Variants in KATNIP observed in about 807,000 individuals in gnomAD.
KATNIP encodes katanin-interacting protein.
Under a neutral mutation model 174.0 loss-of-function variants are expected in KATNIP, and 126 were observed. The ratio of observed to expected loss-of-function variants is 0.72; its 90% CI spans 0.63 to 0.84. The LOEUF is 0.84. KATNIP is among the 40% of genes least tolerant of loss of function. The pLI is 0.00. For synonymous variants in KATNIP, 810 were observed against 835.7 expected, an observed-to-expected ratio of 0.97 and a Z score of 0.53; for missense variants, 1,958 against 2,109.7, an observed-to-expected ratio of 0.93 and a Z score of 1.41.
At chr16:27,754,120 TG>T in intron 17 of KATNIP, 52 bp from the exon 18 acceptor site, 2 of 1,437,172 alleles carry the variant, frequency 1.4e-6, no homozygotes, top group Non-Finnish European at 2.0e-6. Context: ...GCTAGCTGTG[TG>T]GGTATCACTA....
chr16:27,600,844 C>T (rs1311311915), intron 2 of KATNIP, among the ~76,000 whole-genome samples: 1 of 152,024 alleles, frequency 6.6e-6, no homozygotes, highest in East Asian at 1.9e-4. Context: ...ATTCTCCTGC[C>T]TCAGCCTCCC....
At position 27,749,663 on chromosome 16, in the gene KATNIP, C is replaced by T. The variant is rs751454084; in HGVS notation, c.2703C>T (p.Ser901=). The T allele has an allele frequency of 1.2e-5, 19 of 1,608,298 alleles. No homozygotes were observed. The highest frequency in any genetic ancestry group is 1.6e-5 in the Non-Finnish European group (19 of 1,176,998). The change falls in exon 16 of 28, where the codon AGC becomes AGT. Residue 901 remains serine, a synonymous_variant. Transcript: ENST00000261588. ...EQEHTLHESW[S]SLSAFDRSHR... The stretch of plus-strand genomic sequence containing the variant: ...AGCACACACTTCACGAGTCATGGAG[C>T]TCCCTCAGTGCCTTCGACCGCTCCC...
chr16:27,647,586 A>G (rs1405181114), intron 5 of KATNIP, among the ~76,000 whole-genome samples: 1 of 149,348 alleles, frequency 6.7e-6, no homozygotes, highest in Non-Finnish European at 1.5e-5. Flanking sequence ...GCTCACTGCA[A>G]CCTCTGCCTC....
chr16:27,737,260 G>A (rs2080931025), intron 14 of KATNIP, among the ~76,000 whole-genome samples: 1 of 152,158 alleles, frequency 6.6e-6, no homozygotes, highest in Non-Finnish European at 1.5e-5. Context: ...ACGTGTACCT[G>A]TAGTCCCAGC....
At chr16:27,641,678 T>C (rs2076803129) in intron 5 of KATNIP, among the ~76,000 whole-genome samples, 3 of 152,206 alleles carry the variant, frequency 2.0e-5, no homozygotes, top group Admixed American at 1.3e-4. Flanking sequence ...CTATTGGAAA[T>C]TGAATGTGCG....
intron 3 of KATNIP, among the ~76,000 whole-genome samples, chr16:27,627,629 C>T (rs988761137): frequency 1.3e-5 from 2 of 152,134 alleles, no homozygotes; most frequent in Non-Finnish European, 2.9e-5. Flanking sequence ...GCTCGTACTG[C>T]GAATAATGAG....
chr16:27,665,600 T>TTTA (rs1295143494), intron 6 of KATNIP, among the ~76,000 whole-genome samples: 1 of 151,288 alleles, frequency 6.6e-6, no homozygotes, highest in African/African-American at 2.4e-5. Context: ...TGTCTGTGTT[T>TTTA]TTATTATTTT....
In KATNIP at chr16:27,777,050, T is replaced by A. The variant is rs1368343025; in HGVS notation, c.4551+21T>A. On this transcript the variant is annotated intron_variant, in intron 25 of 27. Coordinates refer to ENST00000261588, the MANE Select transcript of KATNIP (RefSeq NM_015202.5). The surrounding 1 kb of genome is among the most constrained non-coding windows in gnomAD (Gnocchi z 4.4). Reference sequence around the variant, plus strand: ...TTGGCGTAAGTACTTATTAGCTGAGTTTTTTGAGATAATTATGCTCGTTGG... The same window carrying A: ...TTGGCGTAAGTACTTATTAGCTGAGATTTTTGAGATAATTATGCTCGTTGG... 6.8e-7 allele frequency: 1 copy of A among 1,465,972 alleles called. No homozygotes were observed. The highest frequency in any genetic ancestry group is 9.5e-7 in the Non-Finnish European group (1 of 1,050,296). 90.8% of individuals were successfully genotyped at this position (1,465,972 alleles called of 1,614,324 possible).
intron 2 of KATNIP, among the ~76,000 whole-genome samples, chr16:27,580,973 C>T (rs1037743828): frequency 1.6e-4 from 24 of 152,136 alleles, no homozygotes; most frequent in African/African-American, 5.5e-4. Flanking sequence ...CTTGTTATCC[C>T]ACCAGCTACT....
intron 24 of KATNIP, among the ~76,000 whole-genome samples, chr16:27,775,731 C>T (rs1457517137): frequency 1.3e-5 from 2 of 152,186 alleles, no homozygotes; most frequent in Admixed American, 1.3e-4. Context: ...GGGCCAGGTG[C>T]CTGGTAGAGA....
At position 27,655,838 on chromosome 16, in the gene KATNIP, G is replaced by A. The variant is rs1035098489; in HGVS notation, c.540+7103G>A. Among the ~76,000 whole-genome samples the A allele has an allele frequency of 3.9e-5, 6 of 152,226 alleles. No individual in the cohort carries two copies. In the East Asian group the frequency reaches 5.8e-4, roughly 15 times the overall value. ...TTCCTTACAATTCACAGTCACAGGC[G>A]GGGAATATTGCACTCATCTGGTTTT... On this transcript the variant is annotated intron_variant, in intron 6 of 27. Transcript: ENST00000261588.
chr16:27,576,847 A>C (rs1162920201), intron 2 of KATNIP, among the ~76,000 whole-genome samples: 1 of 152,190 alleles, frequency 6.6e-6, no homozygotes, highest in Non-Finnish European at 1.5e-5. Flanking sequence ...TCTCTTTCTC[A>C]GAGCTGGTTA....
At chr16:27,633,481 T>C (rs2076551440) in intron 5 of KATNIP, among the ~76,000 whole-genome samples, 1 of 151,412 alleles carries the variant, frequency 6.6e-6, no homozygotes, top group African/African-American at 2.4e-5. Context: ...TTTTACTTAT[T>C]TTTATTCACT....
intron 15 of KATNIP, among the ~76,000 whole-genome samples, chr16:27,748,537 G>A (rs1364047814): frequency 6.6e-6 from 1 of 152,236 alleles, no homozygotes; most frequent in Non-Finnish European, 1.5e-5. Context: ...GCCATGGTGA[G>A]CCATGATCAC....
At chr16:27,553,210 A>G (rs1442529956) in intron 1 of KATNIP, among the ~76,000 whole-genome samples, 4 of 152,232 alleles carry the variant, frequency 2.6e-5, no homozygotes, top group Non-Finnish European at 4.4e-5. Flanking sequence ...AGATGCCATT[A>G]TACGGTATTT....
intron 2 of KATNIP, among the ~76,000 whole-genome samples, chr16:27,588,163 A>T (rs2090974467): frequency 6.6e-6 from 1 of 151,716 alleles, no homozygotes; most frequent in African/African-American, 2.4e-5. Context: ...AAGTGCTGGG[A>T]TTACCGCTGG....
chr16:27,616,630 G>A (rs988218530), intron 2 of KATNIP, among the ~76,000 whole-genome samples: 1 of 151,824 alleles, frequency 6.6e-6, no homozygotes, highest in African/African-American at 2.4e-5. Flanking sequence ...GGGAGTCTGA[G>A]GCAGGAGAAT....
intron 5 of KATNIP, among the ~76,000 whole-genome samples, chr16:27,642,847 A>G (rs2076844756): frequency 1.3e-5 from 2 of 150,640 alleles, no homozygotes; most frequent in African/African-American, 2.4e-5. Flanking sequence ...GCCTCAAACA[A>G]TCCTCCCACC....
intron 7 of KATNIP, chr16:27,679,070 CATG>C (rs2078230060): frequency 6.6e-6 from 1 of 152,244 alleles, no homozygotes; most frequent in South Asian, 2.1e-4. Flanking sequence ...TTTTCTGAAC[CATG>C]ATGAACCTAA....
Sources: gnomAD v4.1 joint callset for allele counts (sites outside exome capture counted in the v4.1 genomes callset) on GRCh38, gnomAD v4.1.1 for gene constraint, Gnocchi (gnomAD v3.1) non-coding constraint, MANE v1.5 for transcripts, NCBI Gene and HGNC (gene_info 2026-07-23, HGNC 2026-07-21) for gene names.